Variants in MYH8 observed in about 807,000 individuals in gnomAD.
MYH8 encodes myosin heavy chain 8.
Under a neutral mutation model 233.2 loss-of-function variants are expected in MYH8, and 168 were observed. The observed-to-expected ratio is 0.72, with a 90% confidence interval of 0.64 to 0.82. The LOEUF (loss-of-function observed/expected upper bound fraction) is 0.82, where lower values mean the gene tolerates loss of function less well. Ranked by LOEUF, MYH8 falls within the 40% of genes least tolerant of loss-of-function variation. The pLI, the probability that MYH8 is intolerant of heterozygous loss-of-function variation, is 0.00. For missense variants in MYH8, 1,995 were observed against 2,327.8 expected, an observed-to-expected ratio of 0.86 and a Z score of 2.94; for synonymous variants, 785 against 850.6, an observed-to-expected ratio of 0.92 and a Z score of 1.34.
At chr17:10,399,509 C>T (rs2072113836) in intron 28 of MYH8, 34 bp downstream of exon 28, 4 of 1,612,312 alleles carry the variant, frequency 2.5e-6, no homozygotes, top group Admixed American at 3.3e-5. Context: ...TTTATTTAGT[C>T]CATGGTGTTG....
intron 22 of MYH8, among the ~76,000 whole-genome samples, 165 bp from the exon 23 acceptor site, chr17:10,401,950 C>T (rs1033090801): frequency 1.3e-5 from 2 of 151,996 alleles, no homozygotes; most frequent in Non-Finnish European, 2.9e-5. Context: ...AGAAATGCAG[C>T]TTATTGGAAG....
Position 10,395,371 on chromosome 17 carries a change from A to G in MYH8, c.4724T>C (p.Val1575Ala), listed in dbSNP as rs61730805. 6 of 1,614,126 alleles carry G rather than the reference A, an allele frequency of 3.7e-6. No individual in the cohort carries two copies. Among genetic ancestry groups the G allele is most frequent in the South Asian group, 1.1e-5 (1 of 91,080 alleles). ...QLELNQVKSE[V>A]DRKIAEKDEE... The stretch of plus-strand genomic sequence containing the variant: ...ATCCTTTTCTGCGATTTTTCTATCA[A>G]CTTCAGACTTGACTTGGTTTAACTC... Residue 1575 changes from valine to alanine, a missense_variant, in exon 34 of 40, where the codon GTT (valine) becomes GCT (alanine). Coordinates refer to ENST00000403437, the MANE Select transcript of MYH8 (RefSeq NM_002472.3).
Position 10,419,411 on chromosome 17 carries a change from T to G in MYH8, c.211-381A>C, listed in dbSNP as rs892726887. Among the ~76,000 whole-genome samples the G allele has an allele frequency of 3.9e-5, 6 of 152,184 alleles. No individual in the cohort carries two copies. The highest frequency in any genetic ancestry group is 3.9e-4 in the Admixed American group (6 of 15,266). On this transcript the variant is annotated intron_variant, in intron 3 of 39. Transcript: ENST00000403437. The surrounding 1 kb of genome is among the most constrained non-coding windows in gnomAD (Gnocchi z 4.0). ...TAGGGTTTATGTTTGCCTGTATATT[T>G]TGGTACAAAACTATAATCACACATA...
intron 39 of MYH8, among the ~76,000 whole-genome samples, chr17:10,391,107 G>A (rs1188652316): frequency 1.3e-5 from 2 of 152,148 alleles, no homozygotes; most frequent in Non-Finnish European, 2.9e-5. Flanking sequence ...GGATAACCAG[G>A]AAGGGTATAG....
Position 10,406,671 on chromosome 17 carries a change from T to C in MYH8, c.2171+19A>G, listed in dbSNP as rs766409277. 30 of 1,590,638 alleles carry C rather than the reference T, an allele frequency of 1.9e-5. No individual in the cohort carries two copies. Among genetic ancestry groups the C allele is most frequent in the Non-Finnish European group, 2.5e-5 (29 of 1,159,068 alleles). On this transcript the variant is annotated intron_variant, in intron 19 of 39. Coordinates refer to ENST00000403437, the MANE Select transcript of MYH8 (RefSeq NM_002472.3). The stretch of plus-strand genomic sequence containing the variant: ...ATACTAATTCACAGTGTTAATGAAA[T>C]ACATCAAAGAAGACTGACCTTTGTT...
intron 38 of MYH8, 24 bp downstream of exon 38, chr17:10,392,518 A>G (rs1323781075): frequency 6.3e-7 from 1 of 1,597,718 alleles, no homozygotes; most frequent in African/African-American, 1.3e-5. Flanking sequence ...AAGAGTGGAT[A>G]TTCTGGAAGG....
At position 10,415,560 on chromosome 17, in the gene MYH8, T is replaced by C. The variant is rs2072282858; in HGVS notation, c.560A>G (p.Lys187Arg). The C allele has an allele frequency of 1.9e-6, 3 of 1,614,086 alleles. No individual in the cohort carries two copies. Among genetic ancestry groups the C allele is most frequent in the Non-Finnish European group, 1.7e-6 (2 of 1,180,026 alleles). ...ILITGESGAG[K>R]TVNTKRVIQY... Reference sequence around the variant, plus strand: ...GATGACACGCTTGGTGTTCACAGTCTTTCCGGCACCAGATTCTCCGCTGTC... The same window carrying C: ...GATGACACGCTTGGTGTTCACAGTCCTTCCGGCACCAGATTCTCCGCTGTC... Residue 187 changes from lysine to arginine, a missense_variant, in exon 7 of 40, where the codon AAG becomes AGG. This residue lies in a region of MYH8 where 479 missense variants were observed against 600.9 expected (regional missense o/e 0.80). Transcript: ENST00000403437. The surrounding 1 kb of genome is among the most constrained non-coding windows in gnomAD (Gnocchi z 4.1).
At chr17:10,409,895 G>A (rs962432202) in intron 15 of MYH8, among the ~76,000 whole-genome samples, 14 of 152,136 alleles carry the variant, frequency 9.2e-5, no homozygotes, top group African/African-American at 3.4e-4. Context: ...TATTGTCAGA[G>A]TTTTTCTTCG....
In MYH8 at chr17:10,418,629, T is replaced by TGCC; in HGVS notation, c.511+13_511+15dup. On this transcript the variant is annotated intron_variant, in intron 5 of 39. Transcript: ENST00000403437. Reference sequence around the variant, plus strand: ...CTATTTACACATTTCTGTAAATAGATGCCTCACTCACTCACCAGTCAACAT... The same window carrying TGCC: ...CTATTTACACATTTCTGTAAATAGATGCCGCCTCACTCACTCACCAGTCAACAT... The TGCC allele has an allele frequency of 6.2e-7, 1 of 1,613,790 alleles. No homozygotes were observed. The highest frequency in any genetic ancestry group is 8.5e-7 in the Non-Finnish European group (1 of 1,179,870).
rs1430785514 is a variant in MYH8 at position 10,391,963 on chromosome 17, G to T, written c.5583C>A (p.Arg1861=). 5 of 1,613,800 alleles carry T rather than the reference G, an allele frequency of 3.1e-6. No homozygotes were observed. The highest frequency in any genetic ancestry group is 4.2e-6 in the Non-Finnish European group (5 of 1,179,922). ...AGTCCTGCAGCCTGAGAACATTCTT[G>T]CGATCTTCTTCAGTCTGAAAGTTTG... ...KELTYQTEED[R]KNVLRLQDLV... The change falls in exon 39 of 40, where the codon CGC becomes CGA. Residue 1861 remains arginine, a synonymous_variant. Transcript: ENST00000403437.
intron 22 of MYH8, among the ~76,000 whole-genome samples, chr17:10,402,533 G>T (rs1399736883): frequency 6.6e-6 from 1 of 151,866 alleles, no homozygotes; most frequent in Non-Finnish European, 1.5e-5. Flanking sequence ...ACAATAAATT[G>T]CCATATACCA....
rs2142189653 is a variant in MYH8 at position 10,415,778 on chromosome 17, A to G, written c.512-70T>C. On this transcript the variant is annotated intron_variant, in intron 5 of 39. Transcript: ENST00000403437. The surrounding 1 kb of genome is among the most constrained non-coding windows in gnomAD (Gnocchi z 4.1). ...TATGAAGAGTATTGAATCAGTTCAG[A>G]TCAAACACAGCTTGTTCTTTTTAAC... is the stretch of plus-strand genomic sequence containing the variant. 2 of 1,506,630 alleles carry G rather than the reference A, an allele frequency of 1.3e-6. No individual in the cohort carries two copies. Among genetic ancestry groups the G allele is most frequent in the Non-Finnish European group, 1.8e-6 (2 of 1,098,702 alleles). 93.3% of individuals were successfully genotyped at this position (1,506,630 alleles called of 1,614,324 possible). A position where few individuals can be genotyped will look rare whatever the true frequency, so the allele number is the denominator to read the frequency against.
In MYH8 at chr17:10,415,493, C is replaced by T; in HGVS notation, c.627G>A (p.Lys209=). ...CTACCTGCATTTTGCCAGATTCATC[C>T]TTCTTCTTCTCTCCAGTAACTGCAA... ...ATIAVTGEKK[K]DESGKMQGTL... is the part of the protein sequence containing the mutation. Residue 209 remains lysine (K), a synonymous_variant, in exon 7 of 40, where the codon AAG becomes AAA. Transcript: ENST00000403437. This position sits in a 1 kb window ranked among gnomAD's most constrained non-coding sequence, Gnocchi z 4.1. The T allele has an allele frequency of 6.2e-7, 1 of 1,614,046 alleles. No homozygotes were observed. The highest frequency in any genetic ancestry group is 8.5e-7 in the Non-Finnish European group (1 of 1,179,872).
chr17:10,401,513 C>G, intron 23 of MYH8, 30 bp downstream of exon 23: 1 of 1,614,182 alleles, frequency 6.2e-7, no homozygotes, highest in Non-Finnish European at 8.5e-7. Flanking sequence ...GGCAGAACCT[C>G]TATACAGTAT....
In MYH8 at chr17:10,415,282, A is replaced by G; in HGVS notation, c.741+10T>C. 1.9e-6 allele frequency: 3 copies of G among 1,612,086 alleles called. No individual in the cohort carries two copies. The highest frequency in any genetic ancestry group is 3.3e-4 in the Middle Eastern group (2 of 6,052). ...CTCTGGAAGTTAGGGGTTGAGACCA[A>G]GAGACTCACAAAGCGAGAGGAGTTG... On this transcript the variant is annotated intron_variant, in intron 8 of 39. Transcript: ENST00000403437. The surrounding 1 kb of genome is among the most constrained non-coding windows in gnomAD (Gnocchi z 4.1).
chr17:10,416,969 G>T (rs1272142553), intron 5 of MYH8, among the ~76,000 whole-genome samples: 1 of 152,200 alleles, frequency 6.6e-6, no homozygotes, highest in Non-Finnish European at 1.5e-5. Flanking sequence ...GACCTGTAAA[G>T]GAGGAAGTGA....
In MYH8 at chr17:10,410,346, G is replaced by A. The variant is rs79533889; in HGVS notation, c.1587+431C>T. 2.6e-3 allele frequency among the ~76,000 whole-genome samples: 389 copies of A among 152,214 alleles called. 16 individuals carry two copies. In the East Asian group the frequency reaches 0.066, roughly 26 times the overall value. On this transcript the variant is annotated intron_variant, in intron 15 of 39. Transcript: ENST00000403437. ...TAAATAAAATAGATTATGAAGTAGC[G>A]TATGCAGTTTGACTTCTTGACTTTG...
Position 10,401,163 on chromosome 17 carries a change from T to G in MYH8, c.3137A>C (p.Lys1046Thr), listed in dbSNP as rs1036720263. 2.5e-6 allele frequency: 4 copies of G among 1,613,782 alleles called. No individual in the cohort carries two copies. Among genetic ancestry groups the G allele is most frequent in the Non-Finnish European group, 3.4e-6 (4 of 1,179,982 alleles). ...DLEGSLEQEK[K>T]LRMDLERAKR... ...TGCTCTTTCTAGATCCATTCGAAGC[T>G]TCTTTTCTTGTTCCAGAGACCCTTC... is the stretch of plus-strand genomic sequence containing the variant. Residue 1046 changes from lysine (K) to threonine (T), a missense_variant, in exon 25 of 40, where the codon AAG (lysine) becomes ACG (threonine). By Grantham distance (78) the Lys-to-Thr change is moderately conservative (BLOSUM62 -1). Around this residue, in one of 3 missense-constraint regions of MYH8, gnomAD observed 1,498 missense variants for 1,680.9 expected, o/e 0.89. Coordinates refer to ENST00000403437, the MANE Select transcript of MYH8 (RefSeq NM_002472.3).
intron 15 of MYH8, 87 bp from the exon 16 acceptor site, chr17:10,409,675 C>T (rs1437824388): frequency 3.3e-6 from 5 of 1,529,564 alleles, no homozygotes; most frequent in Non-Finnish European, 4.5e-6. Flanking sequence ...GAATTATGAG[C>T]ACCCCAATTA....
Sources: gnomAD v4.1 joint callset for allele counts (sites outside exome capture counted in the v4.1 genomes callset) on GRCh38, gnomAD v4.1.1 for gene constraint, gnomAD v4.1.1 regional missense constraint, Gnocchi (gnomAD v3.1) non-coding constraint, MANE v1.5 for transcripts, NCBI Gene and HGNC (gene_info 2026-07-23, HGNC 2026-07-21) for gene names.